CAMSAP2: variants seen among roughly 807,000 people sequenced by gnomAD.
The protein encoded by CAMSAP2 is calmodulin regulated spectrin associated protein family member 2, also known as calmodulin-regulated spectrin-associated protein 2.
A neutral mutation model predicts 146.1 loss-of-function variants in CAMSAP2; 26 were observed. That is an observed-to-expected ratio of 0.18 (90% CI 0.13 to 0.25). The LOEUF is 0.25. CAMSAP2 is among the 10% of genes least tolerant of loss of function. CAMSAP2 has a pLI of 1.00. For synonymous variants in CAMSAP2, 499 were observed against 596.6 expected (o/e 0.84, Z 2.38); for missense variants, 1,381 against 1,759.3 (o/e 0.78, Z 3.85).
At position 200,738,940 on chromosome 1, in the gene CAMSAP2, A is replaced by AGCGGCGGCGGCGGCGGCGGCG. The variant is rs537301220; in HGVS notation, c.-871_-870insGGCGGCGGCGGCGGCGGCGGC. Among the ~76,000 whole-genome samples, 12 of 149,012 alleles carry AGCGGCGGCGGCGGCGGCGGCG rather than the reference A, an allele frequency of 8.1e-5. No homozygotes were observed. The highest frequency in any genetic ancestry group is 4.0e-4 in the Admixed American group (6 of 15,094). On this transcript the variant is annotated 5_prime_UTR_variant, in exon 1 of 17. Coordinates refer to ENST00000358823, the MANE Select transcript of CAMSAP2 (RefSeq NM_203459.4). ...TCCAGTGCCGCAGCCGGAAAACCGC[A>AGCGGCGGCGGCGGCGGCGGCG]GCGGCGGCGGCGGCGGCTGAGGGGG...
In CAMSAP2 at chr1:200,771,522, A is replaced by G. The variant is rs1009892071; in HGVS notation, c.399+10424A>G. ...TATTGTACCACATATCATGCCTGGT[A>G]CATAAGGGCTTGATAAACAAAGTGT... On this transcript the variant is annotated intron_variant, in intron 2 of 16. Transcript: ENST00000358823. Among the ~76,000 whole-genome samples the G allele has an allele frequency of 1.1e-4, 17 of 152,340 alleles. No homozygotes were observed. In the East Asian group the frequency reaches 1.3e-3, roughly 12 times the overall value.
At chr1:200,783,037 T>C (rs528353304) in intron 2 of CAMSAP2, among the ~76,000 whole-genome samples, 52 of 152,030 alleles carry the variant, frequency 3.4e-4, no homozygotes, top group African/African-American at 1.2e-3. Context: ...AAGTACTGGA[T>C]TACAGGCCTG....
chr1:200,792,842 T>C (rs1665790877), intron 2 of CAMSAP2, among the ~76,000 whole-genome samples: 1 of 152,206 alleles, frequency 6.6e-6, no homozygotes, highest in South Asian at 2.1e-4. Flanking sequence ...TGTGGCTTAA[T>C]TATATCCATA....
intron 2 of CAMSAP2, among the ~76,000 whole-genome samples, chr1:200,803,377 G>C (rs147860203): frequency 3.0e-4 from 46 of 152,310 alleles, no homozygotes; most frequent in African/African-American, 1.1e-3. Context: ...ACAGAAAACA[G>C]TAAAATGCCA....
At chr1:200,834,732 A>G (rs1308678717) in intron 6 of CAMSAP2, among the ~76,000 whole-genome samples, 1 of 152,190 alleles carries the variant, frequency 6.6e-6, no homozygotes, top group African/African-American at 2.4e-5. Flanking sequence ...TGGGCAACAT[A>G]GTGAGACCTT....
Position 200,835,956 on chromosome 1 carries a change from T to C in CAMSAP2, c.927+3111T>C, listed in dbSNP as rs191561066. Among the ~76,000 whole-genome samples the C allele has an allele frequency of 3.1e-3, 472 of 152,338 alleles. 10 individuals are homozygous for C. Among genetic ancestry groups the C allele is most frequent in the Admixed American group, 0.028 (429 of 15,296 alleles). Reference sequence around the variant, plus strand: ...GATGTTTATATCAACTTTGTCTGGGTACGACCCATATAAAGATATTTTCTT... The same window carrying C: ...GATGTTTATATCAACTTTGTCTGGGCACGACCCATATAAAGATATTTTCTT... On this transcript the variant is annotated intron_variant, in intron 6 of 16. Transcript: ENST00000358823.
rs373343621 is a variant in CAMSAP2, at chr1:200,853,223, A to G, written c.3603-52A>G. 1.0e-5 allele frequency: 15 copies of G among 1,457,742 alleles called. No homozygotes were observed. The highest frequency in any genetic ancestry group is 1.4e-5 in the African/African-American group (1 of 71,144). 90.3% of individuals were successfully genotyped at this position (1,457,742 alleles called of 1,614,324 possible). On this transcript the variant is annotated intron_variant, in intron 12 of 16. Transcript: ENST00000358823. This position sits in a 1 kb window ranked among gnomAD's most constrained non-coding sequence, Gnocchi z 5.1. ...TATCAAATACATAACTCTCTCCTGT[A>G]TGGTTTGTCTTTGGTATGCAGAATA...
At chr1:200,785,179 C>T (rs1052934410) in intron 2 of CAMSAP2, among the ~76,000 whole-genome samples, 4 of 152,088 alleles carry the variant, frequency 2.6e-5, no homozygotes, top group African/African-American at 9.7e-5. Flanking sequence ...AGGGTGTTTA[C>T]AGCCATGTTC....
chr1:200,834,234 G>A (rs144856771), intron 6 of CAMSAP2, among the ~76,000 whole-genome samples: 14 of 151,878 alleles, frequency 9.2e-5, no homozygotes, highest in African/African-American at 1.2e-4. Flanking sequence ...GTAGTGGCAC[G>A]CACCTATAAT....
At chr1:200,816,835 T>C (rs1349080262) in intron 4 of CAMSAP2, among the ~76,000 whole-genome samples, 1 of 76,418 alleles carries the variant, frequency 1.3e-5, no homozygotes. Flanking sequence ...CACACGCGTG[T>C]GTATGTGTGT....
chr1:200,795,798 T>A (rs534282082), intron 2 of CAMSAP2, among the ~76,000 whole-genome samples: 1 of 152,330 alleles, frequency 6.6e-6, no homozygotes, highest in Non-Finnish European at 1.5e-5. Context: ...TATAAACAGA[T>A]GAAAGAGAAC....
chr1:200,781,947 A>T (rs1209285204), intron 2 of CAMSAP2, among the ~76,000 whole-genome samples: 1 of 152,154 alleles, frequency 6.6e-6, no homozygotes, highest in Non-Finnish European at 1.5e-5. Context: ...CAGGCACATG[A>T]AGAAATTTCC....
chr1:200,847,908 A>T (rs1324156756), intron 10 of CAMSAP2, 124 bp from the exon 11 acceptor site: 1 of 836,772 alleles, frequency 1.2e-6, no homozygotes, highest in African/African-American at 1.7e-5. Context: ...CCTTACCTTG[A>T]AGACAGTATG....
chr1:200,824,726 C>T (rs931433184), intron 4 of CAMSAP2, among the ~76,000 whole-genome samples: 6 of 152,186 alleles, frequency 3.9e-5, no homozygotes. Flanking sequence ...AGCCTATAAT[C>T]CCCGCACTTT....
At chr1:200,742,845 TAAAAAA>T (rs57616707) in intron 1 of CAMSAP2, among the ~76,000 whole-genome samples, 6 of 149,682 alleles carry the variant, frequency 4.0e-5, no homozygotes, top group Non-Finnish European at 7.4e-5. Flanking sequence ...TAATTGAACT[TAAAAAA>T]AAAACACTGA....
Position 200,847,411 on chromosome 1 carries a change from T to G in CAMSAP2, c.1192+119T>G, listed in dbSNP as rs182804413. On this transcript the variant is annotated intron_variant, in intron 9 of 16. Transcript: ENST00000358823. ...TTTTTTTGTGTGTGTGTGTGTGTGT[T>G]TTTTTGTTTGTTTGTTTGTTTTCTG... 3,493 of 778,090 alleles carry G rather than the reference T, an allele frequency of 4.5e-3. 48 individuals carry two copies. The highest frequency in any genetic ancestry group is 0.032 in the African/African-American group (1,808 of 56,692). The allele number at this position is 778,090 out of a possible 1,614,324, so 48.2% of individuals were successfully genotyped here.
At chr1:200,775,099 C>T (rs1665235169) in intron 2 of CAMSAP2, among the ~76,000 whole-genome samples, 1 of 152,174 alleles carries the variant, frequency 6.6e-6, no homozygotes, top group Admixed American at 6.6e-5. Context: ...GTGGAACAGG[C>T]TCTTTTCATA....
chr1:200,789,252 T>C (rs1665681626), intron 2 of CAMSAP2, among the ~76,000 whole-genome samples: 1 of 152,206 alleles, frequency 6.6e-6, no homozygotes, highest in Non-Finnish European at 1.5e-5. Context: ...AAGAAGTCAT[T>C]GCCAAGCCCA....
At chr1:200,758,025 A>C (rs1024255117) in intron 1 of CAMSAP2, among the ~76,000 whole-genome samples, 1 of 152,210 alleles carries the variant, frequency 6.6e-6, no homozygotes, top group African/African-American at 2.4e-5. Flanking sequence ...CTTATCAGCT[A>C]TGTGCCCCTG....
Sources: allele counts gnomAD v4.1 joint callset (sites outside exome capture counted in the v4.1 genomes callset), GRCh38; gene constraint gnomAD v4.1.1; non-coding constraint Gnocchi (gnomAD v3.1); transcripts MANE v1.5; gene names NCBI Gene and HGNC (gene_info 2026-07-23, HGNC 2026-07-21).